Variants in CCDC174 observed in about 807,000 individuals in gnomAD.
The protein encoded by CCDC174 is coiled-coil domain containing 174, also known as coiled-coil domain-containing protein 174.
CCDC174 carries 37 observed loss-of-function variants against 57.1 expected under a neutral mutation model. The observed-to-expected ratio is 0.65, with a 90% CI of 0.50 to 0.85. CCDC174 has a LOEUF of 0.85. Among genes scored for constraint, CCDC174 ranks in the 40% least tolerant of loss-of-function variants. The pLI, the probability that CCDC174 is intolerant of heterozygous loss-of-function variation, is 0.00. For missense variants in CCDC174, 540 were observed against 574.3 expected (o/e 0.94, Z 0.61); for synonymous variants, 182 against 190.2 (o/e 0.96, Z 0.35).
intron 7 of CCDC174, chr3:14,667,159 A>T: frequency 1.6e-6 from 1 of 621,810 alleles, no homozygotes; most frequent in Non-Finnish European, 2.8e-6. Context: ...AATCCAAGGG[A>T]TTGTTCCCTG....
At position 14,665,136 on chromosome 3, in the gene CCDC174, G is replaced by C. The variant is rs1256364664; in HGVS notation, c.581+13G>C. 1 of 1,578,952 alleles carries C rather than the reference G, an allele frequency of 6.3e-7. No homozygotes were observed. The highest frequency in any genetic ancestry group is 1.3e-5 in the African/African-American group (1 of 74,186). On this transcript the variant is annotated intron_variant, in intron 6 of 10. Transcript: ENST00000383794. ...TTCAGGGGAGACTGTAAGTGTGTGT[G>C]GTATACAGAGCTCTGCCAAGGTCTG...
Position 14,655,599 on chromosome 3 carries a change from T to A in CCDC174, c.218T>A (p.Ile73Asn), listed in dbSNP as rs376339243. 84 of 1,609,972 alleles carry A rather than the reference T, an allele frequency of 5.2e-5. No individual in the cohort carries two copies. Among genetic ancestry groups the A allele is most frequent in the Non-Finnish European group, 6.8e-5 (80 of 1,177,650 alleles). ...NRAEKDAEQKIEEQKTLDKAR... is the reference protein window; with the variant it reads ...NRAEKDAEQKNEEQKTLDKAR... ...GCTGAGAAGGATGCTGAACAGAAGATTGAAGAACAGAAGACTTTAGACAAA... is the reference window on the plus strand; with the variant it reads ...GCTGAGAAGGATGCTGAACAGAAGAATGAAGAACAGAAGACTTTAGACAAA... Residue 73 changes from isoleucine (I) to asparagine (N), a missense_variant, in exon 3 of 11, where the codon ATT becomes AAT. Transcript: ENST00000383794.
At chr3:14,669,863 G>A (rs775501715) in intron 9 of CCDC174, 71 bp from the exon 10 acceptor site, 4 of 1,484,594 alleles carry the variant, frequency 2.7e-6, no homozygotes, top group Non-Finnish European at 3.7e-6. Context: ...TTCAGGATTA[G>A]CATGTTCTGT....
At chr3:14,656,310 C>T (rs1454953190) in intron 3 of CCDC174, among the ~76,000 whole-genome samples, 3 of 152,148 alleles carry the variant, frequency 2.0e-5, no homozygotes, top group African/African-American at 7.2e-5. Context: ...TCAAAGATTA[C>T]CCATTGTTTG....
chr3:14,667,126 A>G, intron 7 of CCDC174, 179 bp downstream of exon 7: 3 of 644,884 alleles, frequency 4.7e-6, no homozygotes, highest in Non-Finnish European at 5.3e-6. Flanking sequence ...ATTTGGGAAT[A>G]TCTTCCTGAC....
chr3:14,668,304 C>G lies in CCDC174; in HGVS notation c.952+123C>G, dbSNP rs956751799. ...TTTTATATTTAAGCAAACAGTATACCTTTGAGGTACTGGCAGGAGCAATTT... is the reference window on the plus strand; with the variant it reads ...TTTTATATTTAAGCAAACAGTATACGTTTGAGGTACTGGCAGGAGCAATTT... On this transcript the variant is annotated intron_variant, in intron 9 of 10. Coordinates refer to ENST00000383794, the MANE Select transcript of CCDC174 (RefSeq NM_016474.5). The G allele has an allele frequency of 3.9e-5, 36 of 927,554 alleles. 1 individual carries two copies. The highest frequency in any genetic ancestry group is 1.0e-4 in the Admixed American group (4 of 38,136). 57.5% of individuals were successfully genotyped at this position (927,554 alleles called of 1,614,324 possible).
chr3:14,670,510 G>A (rs190130382), intron 10 of CCDC174, among the ~76,000 whole-genome samples: 14 of 152,328 alleles, frequency 9.2e-5, no homozygotes, highest in African/African-American at 3.4e-4. Context: ...TAAGAGAAAT[G>A]CAAGAGCCAC....
rs774985497 is a variant in CCDC174 at position 14,651,844 on chromosome 3, G to A, written c.8G>A (p.Arg3His). 5 of 1,614,098 alleles carry A rather than the reference G, an allele frequency of 3.1e-6. No individual in the cohort carries two copies. The South Asian group carries it at 3.3e-5, about 11-fold the overall frequency. ...GGACCCTCTGCCACGACCATGGACC[G>A]TAGGAAAAAGCCTTTGGACGTCACG... is the stretch of plus-strand genomic sequence containing the variant. MDRRKKPLDVTAS... is the reference protein window; with the variant it reads MDHRKKPLDVTAS... The change falls in exon 1 of 11, where the codon CGT (arginine) becomes CAT (histidine). Residue 3 changes from arginine to histidine, a missense_variant. Transcript: ENST00000383794.
chr3:14,665,151 G>T (rs773922923), intron 6 of CCDC174, 28 bp downstream of exon 6: 25 of 1,504,032 alleles, frequency 1.7e-5, no homozygotes, highest in Non-Finnish European at 2.3e-5. Context: ...ACAGAGCTCT[G>T]CCAAGGTCTG....
intron 10 of CCDC174, 85 bp downstream of exon 10, chr3:14,670,171 A>G: frequency 7.5e-7 from 1 of 1,331,804 alleles, no homozygotes; most frequent in Non-Finnish European, 1.0e-6. Context: ...GGTAAGTTTT[A>G]ACTTCGTGCT....
At chr3:14,669,056 T>C (rs1249354822) in intron 9 of CCDC174, among the ~76,000 whole-genome samples, 1 of 152,204 alleles carries the variant, frequency 6.6e-6, no homozygotes, top group African/African-American at 2.4e-5. Flanking sequence ...CCTATGCATT[T>C]ACATCCTGCT....
intron 5 of CCDC174, 38 bp downstream of exon 5, chr3:14,661,745 C>T: frequency 1.3e-6 from 2 of 1,538,028 alleles, no homozygotes; most frequent in Non-Finnish European, 1.8e-6. Context: ...GGAACATCCT[C>T]AGACTTGCGC....
chr3:14,670,808 A>G, intron 10 of CCDC174, 88 bp from the exon 11 acceptor site: 4 of 1,174,298 alleles, frequency 3.4e-6, no homozygotes, highest in Non-Finnish European at 4.7e-6. Context: ...GGCTTTTAAG[A>G]AATATATGAT....
At chr3:14,659,055 G>A in intron 4 of CCDC174, 126 bp downstream of exon 4, 1 of 906,954 alleles carries the variant, frequency 1.1e-6, no homozygotes, top group Admixed American at 3.4e-5. Flanking sequence ...TACTTTCCAT[G>A]GCTGCACAGA....
chr3:14,668,571 G>T (rs1385963873), intron 9 of CCDC174, among the ~76,000 whole-genome samples: 2 of 152,156 alleles, frequency 1.3e-5, no homozygotes, highest in East Asian at 3.8e-4. Flanking sequence ...CATAGTAAAA[G>T]AATTTAGAAA....
At position 14,668,109 on chromosome 3, in the gene CCDC174, G is replaced by A. The variant is rs1248352575; in HGVS notation, c.880G>A (p.Ala294Thr). 2 of 1,609,708 alleles carry A rather than the reference G, an allele frequency of 1.2e-6. No individual in the cohort carries two copies. The highest frequency in any genetic ancestry group is 2.7e-5 in the African/African-American group (2 of 74,704). ...GGAAAAGCGAAAGGCTATCTTAGAG[G>A]CAAGACTTGCCAAACTTCGACAAAA... ...IKEKRKAILE[A>T]RLAKLRQKKM... is the part of the protein sequence containing the mutation. Residue 294 changes from alanine (A) to threonine (T), a missense_variant, in exon 9 of 11, where the codon GCA (alanine) becomes ACA (threonine). Physicochemically the swap from Ala to Thr is moderately conservative, Grantham distance 58. Coordinates refer to ENST00000383794, the MANE Select transcript of CCDC174 (RefSeq NM_016474.5).
Position 14,655,633 on chromosome 3 carries a change from A to G in CCDC174, c.248+4A>G, listed in dbSNP as rs776807893. On this transcript the variant is annotated splice_donor_region_variant and intron_variant, in intron 3 of 10. Coordinates refer to ENST00000383794, the MANE Select transcript of CCDC174 (RefSeq NM_016474.5). ...AGAAGACTTTAGACAAAGCAAGGTAAAGTTATAAGCTCTGGTAAATATAGT... is the reference window on the plus strand; with the variant it reads ...AGAAGACTTTAGACAAAGCAAGGTAGAGTTATAAGCTCTGGTAAATATAGT... The G allele has an allele frequency of 5.7e-6, 9 of 1,581,492 alleles. No homozygotes were observed. In the East Asian group the frequency reaches 2.0e-4, roughly 36 times the overall value.
intron 3 of CCDC174, among the ~76,000 whole-genome samples, chr3:14,655,911 G>A (rs776082148): frequency 1.8e-4 from 27 of 152,082 alleles, no homozygotes; most frequent in Admixed American, 1.4e-3. Flanking sequence ...CCATGGTGTG[G>A]GCTAGGTGGG....
At chr3:14,651,989 C>T (rs138580784) in intron 1 of CCDC174, 111 bp downstream of exon 1, 2 of 1,076,204 alleles carry the variant, frequency 1.9e-6, no homozygotes, top group Non-Finnish European at 1.4e-6. Context: ...GACCTGACCT[C>T]TCCCCTCAAA....
Sources: gnomAD v4.1 joint callset for allele counts (sites outside exome capture counted in the v4.1 genomes callset) on GRCh38, gnomAD v4.1.1 for gene constraint, MANE v1.5 for transcripts, NCBI Gene and HGNC (gene_info 2026-07-23, HGNC 2026-07-21) for gene names.